CPQ: variants seen among roughly 807,000 people sequenced by gnomAD.
The protein encoded by CPQ is carboxypeptidase Q, also known as Ser-Met dipeptidase.
CPQ carries 37 observed loss-of-function variants against 45.7 expected under a neutral mutation model. That is an observed-to-expected ratio of 0.81 (90% CI 0.62 to 1.07). The LOEUF (loss-of-function observed/expected upper bound fraction) is 1.07, where lower values mean the gene tolerates loss of function less well. Among genes scored for constraint, CPQ ranks in the 50% least tolerant of loss-of-function variants. CPQ has a pLI of 0.00. For missense variants in CPQ, 537 were observed against 572.9 expected (o/e 0.94, Z 0.64); for synonymous variants, 186 against 205.8 (o/e 0.90, Z 0.82).
At chr8:97,123,211 T>TAAAATAA (rs1811784033) in intron 7 of CPQ, among the ~76,000 whole-genome samples, 1 of 67,816 alleles carries the variant, frequency 1.5e-5, no homozygotes, top group African/African-American at 6.2e-5. Flanking sequence ...AAATAAAAAA[T>TAAAATAA]AAAATAAAAT....
In CPQ at chr8:96,838,825, G is replaced by A. The variant is rs186114387; in HGVS notation, c.641+3645G>A. Among the ~76,000 whole-genome samples, 204 of 152,188 alleles carry A rather than the reference G, an allele frequency of 1.3e-3. 2 individuals are homozygous for A. The highest frequency in any genetic ancestry group is 9.8e-3 in the Admixed American group (150 of 15,272). On this transcript the variant is annotated intron_variant, in intron 3 of 7. Coordinates refer to ENST00000220763, the MANE Select transcript of CPQ (RefSeq NM_016134.4). ...ACCCGGTTCCTGGTGCTCTTTGTCC[G>A]AACTATGTAACCCATGTATAGTAAG...
intron 1 of CPQ, among the ~76,000 whole-genome samples, chr8:96,665,296 A>C (rs1563695871): frequency 6.6e-6 from 1 of 152,218 alleles, no homozygotes; most frequent in Non-Finnish European, 1.5e-5. Context: ...AATTAAGATG[A>C]GTTACATATG....
chr8:97,116,963 G>C (rs1175212406), intron 7 of CPQ, among the ~76,000 whole-genome samples: 1 of 152,228 alleles, frequency 6.6e-6, no homozygotes, highest in East Asian at 1.9e-4. Context: ...TTTGTGGGTA[G>C]ATTTCCATGT....
chr8:97,095,703 T>A (rs912852546), intron 7 of CPQ, among the ~76,000 whole-genome samples: 1 of 152,226 alleles, frequency 6.6e-6, no homozygotes, highest in African/African-American at 2.4e-5. Flanking sequence ...CCTTATTTCA[T>A]ATGCTATTAT....
At chr8:97,063,333 C>G (rs914405292) in intron 6 of CPQ, among the ~76,000 whole-genome samples, 1 of 151,630 alleles carries the variant, frequency 6.6e-6, no homozygotes, top group African/African-American at 2.4e-5. Context: ...GGTTGTTTTT[C>G]TCTTGTAAAT....
chr8:96,659,379 G>A (rs1815672950), intron 1 of CPQ: 1 of 152,172 alleles, frequency 6.6e-6, no homozygotes, highest in Admixed American at 6.5e-5. Context: ...AGATTTTAGG[G>A]TGGTAGTTTG....
intron 3 of CPQ, among the ~76,000 whole-genome samples, chr8:96,864,547 T>G (rs914954409): frequency 6.6e-6 from 1 of 151,962 alleles, no homozygotes; most frequent in Non-Finnish European, 1.5e-5. Context: ...GTATGTAGAA[T>G]GGCTACATAT....
chr8:96,684,722 G>T lies in CPQ; in HGVS notation c.-35+39320G>T, dbSNP rs575084638. Among the ~76,000 whole-genome samples, 8 of 152,264 alleles carry T rather than the reference G, an allele frequency of 5.3e-5. No homozygotes were observed. The East Asian group carries it at 1.5e-3, about 29-fold the overall frequency. ...TGGATTATGTGCACAGATACCAGCA[G>T]CAGGGAAAGTGAGCCTGTCCTCAGG... On this transcript the variant is annotated intron_variant, in intron 1 of 7. Transcript: ENST00000220763.
intron 1 of CPQ, among the ~76,000 whole-genome samples, chr8:96,751,089 A>T (rs540947809): frequency 6.6e-6 from 1 of 152,266 alleles, no homozygotes; most frequent in South Asian, 2.1e-4. Flanking sequence ...TAGTGCTGCA[A>T]TGAACATATA....
intron 5 of CPQ, 109 bp from the exon 6 acceptor site, chr8:97,029,294 T>G: frequency 9.8e-7 from 1 of 1,021,146 alleles, no homozygotes; most frequent in Non-Finnish European, 1.4e-6. Context: ...GAGAGTTGAA[T>G]GCCTCTGATT....
intron 4 of CPQ, among the ~76,000 whole-genome samples, chr8:96,957,825 A>T (rs1324511867): frequency 1.3e-5 from 2 of 149,908 alleles, no homozygotes; most frequent in African/African-American, 4.9e-5. Flanking sequence ...AAAAGTCTGT[A>T]GGGTACCAAA....
rs188759375 is a variant in CPQ at position 96,809,066 on chromosome 8, G to A, written c.433+23736G>A. Reference sequence around the variant, plus strand: ...GCAAAATACATGCAATGGGCAGGAAGTTTGAGAAGTGCTTTGAGCTGTTTG... The same window carrying A: ...GCAAAATACATGCAATGGGCAGGAAATTTGAGAAGTGCTTTGAGCTGTTTG... On this transcript the variant is annotated intron_variant, in intron 2 of 7. Coordinates refer to ENST00000220763, the MANE Select transcript of CPQ (RefSeq NM_016134.4). Among the ~76,000 whole-genome samples the A allele has an allele frequency of 5.3e-5, 8 of 152,278 alleles. No homozygotes were observed. In the East Asian group the frequency reaches 1.5e-3, roughly 29 times the overall value.
chr8:96,749,814 T>C (rs1810235710), intron 1 of CPQ, among the ~76,000 whole-genome samples: 1 of 152,170 alleles, frequency 6.6e-6, no homozygotes, highest in African/African-American at 2.4e-5. Flanking sequence ...GTATTAAAAA[T>C]GTTAAAGGTG....
intron 1 of CPQ, among the ~76,000 whole-genome samples, chr8:96,678,238 TTGAATCCG>T (rs1481772122): frequency 6.6e-6 from 1 of 152,152 alleles, no homozygotes; most frequent in Non-Finnish European, 1.5e-5. Context: ...GGGAATTGCA[TTGAATCCG>T]TATATTGCTT....
chr8:97,120,246 C>T (rs999640315), intron 7 of CPQ, among the ~76,000 whole-genome samples: 1 of 152,174 alleles, frequency 6.6e-6, no homozygotes, highest in Non-Finnish European at 1.5e-5. Context: ...AAAGTTACCT[C>T]GGCCCAGGTG....
chr8:97,081,259 A>G (rs926817009), intron 7 of CPQ, among the ~76,000 whole-genome samples: 2 of 152,180 alleles, frequency 1.3e-5, no homozygotes, highest in African/African-American at 4.8e-5. Context: ...TAGATGGGTC[A>G]GTGATTCCAG....
At chr8:96,667,434 C>T (rs760815453) in intron 1 of CPQ, among the ~76,000 whole-genome samples, 4 of 151,338 alleles carry the variant, frequency 2.6e-5, no homozygotes, top group South Asian at 2.1e-4. Context: ...CTGCAACCTC[C>T]GCCTCCCGGG....
At position 96,767,679 on chromosome 8, in the gene CPQ, C is replaced by G. The variant is rs573689280; in HGVS notation, c.-34-17185C>G. 6.1e-4 allele frequency among the ~76,000 whole-genome samples: 77 copies of G among 127,232 alleles called. No homozygotes were observed. The Middle Eastern group carries it at 0.018, about 30-fold the overall frequency. 83.5% of individuals were successfully genotyped at this position (127,232 alleles called of 152,430 possible). On this transcript the variant is annotated intron_variant, in intron 1 of 7. Coordinates refer to ENST00000220763, the MANE Select transcript of CPQ (RefSeq NM_016134.4). ...TTTTTTTTGAGACGGACTCTCACTC[C>G]GTTGCCCAGGCTGGAGTGCAATGGT...
At chr8:96,892,247 A>G (rs1019802434) in intron 4 of CPQ, among the ~76,000 whole-genome samples, 9 of 152,210 alleles carry the variant, frequency 5.9e-5, no homozygotes, top group Non-Finnish European at 1.2e-4. Context: ...GAATAAACCA[A>G]ACCTGATTGG....
Sources: gnomAD v4.1 joint callset for allele counts (sites outside exome capture counted in the v4.1 genomes callset) on GRCh38, gnomAD v4.1.1 for gene constraint, MANE v1.5 for transcripts, NCBI Gene and HGNC (gene_info 2026-07-23, HGNC 2026-07-21) for gene names.